Variants in DAB1 observed in about 807,000 individuals in gnomAD.
DAB1 encodes the protein DAB adaptor protein 1, also known as disabled homolog 1.
In DAB1, 15 loss-of-function variants were observed where a neutral mutation model predicts 64.6. The observed-to-expected ratio is 0.23, with a 90% confidence interval of 0.16 to 0.36. The LOEUF is 0.36. DAB1 is among the 10% of genes least tolerant of loss of function. The pLI, the probability that DAB1 is intolerant of heterozygous loss-of-function variation, is 1.00. For synonymous variants in DAB1, 235 were observed against 251.9 expected, an observed-to-expected ratio of 0.93 and a Z score of 0.64; for missense variants, 596 against 706.7, an observed-to-expected ratio of 0.84 and a Z score of 1.78.
intron 3 of DAB1, among the ~76,000 whole-genome samples, chr1:58,366,263 G>GT (rs1475712183): frequency 6.6e-6 from 1 of 152,180 alleles, no homozygotes; most frequent in East Asian, 1.9e-4. Context: ...GGATGGCTGA[G>GT]TGTTTGATCC....
chr1:57,092,706 ACATGGTGTGC>A (rs1300061331), intron 4 of DAB1, among the ~76,000 whole-genome samples: 1 of 148,102 alleles, frequency 6.8e-6, no homozygotes, highest in Non-Finnish European at 1.5e-5. Context: ...AGCAATAACA[ACATGGTGTGC>A]CAGGTGCCCT....
intron 1 of DAB1, among the ~76,000 whole-genome samples, chr1:57,413,245 T>C (rs1169714441): frequency 6.6e-6 from 1 of 152,136 alleles, no homozygotes. Context: ...CACCCAAGAG[T>C]TCTAATGAAG....
At chr1:58,372,403 G>T (rs923722616) in intron 3 of DAB1, among the ~76,000 whole-genome samples, 1 of 152,166 alleles carries the variant, frequency 6.6e-6, no homozygotes, top group African/African-American at 2.4e-5. Context: ...TACCCCCATT[G>T]TATCTTGGGG....
intron 4 of DAB1, among the ~76,000 whole-genome samples, chr1:58,303,744 A>G (rs1229842576): frequency 6.6e-6 from 1 of 152,326 alleles, no homozygotes; most frequent in East Asian, 1.9e-4. Flanking sequence ...GAGATTACAG[A>G]AAGTTGGGTG....
intron 5 of DAB1, among the ~76,000 whole-genome samples, chr1:58,008,587 G>A (rs1018180474): frequency 6.6e-6 from 1 of 152,112 alleles, no homozygotes; most frequent in Non-Finnish European, 1.5e-5. Flanking sequence ...ATAGCGGTTC[G>A]GTGTGTGAAT....
At chr1:58,287,361 C>T (rs558842016) in intron 4 of DAB1, among the ~76,000 whole-genome samples, 100 of 152,204 alleles carry the variant, frequency 6.6e-4, no homozygotes, top group African/African-American at 2.4e-3. Flanking sequence ...AACAACTTTT[C>T]GATTATATCT....
At chr1:57,554,663 T>C (rs931678029) in intron 7 of DAB1, among the ~76,000 whole-genome samples, 11 of 152,224 alleles carry the variant, frequency 7.2e-5, no homozygotes, top group African/African-American at 2.7e-4. Context: ...AAGAACAGCC[T>C]CATGTCACAC....
At chr1:57,521,051 C>A (rs1644520164) in intron 7 of DAB1, among the ~76,000 whole-genome samples, 2 of 152,038 alleles carry the variant, frequency 1.3e-5, no homozygotes, top group Non-Finnish European at 2.9e-5. Flanking sequence ...ACCCAGAGAC[C>A]CAAGCATCGA....
chr1:57,204,425 A>G (rs139414434), intron 2 of DAB1, among the ~76,000 whole-genome samples: 1 of 150,416 alleles, frequency 6.6e-6, no homozygotes, highest in Admixed American at 6.7e-5. Flanking sequence ...TCCACAGAAC[A>G]CAAAATAAAA....
At chr1:57,119,178 C>A (rs146363781) in intron 4 of DAB1, among the ~76,000 whole-genome samples, 1,850 of 152,288 alleles carry the variant, frequency 0.012, 34 homozygotes, top group African/African-American at 0.042. Context: ...TCCCTGACTT[C>A]TTCCAGCACC....
At chr1:57,936,796 CTTATAA>C (rs1290784484) in intron 5 of DAB1, among the ~76,000 whole-genome samples, 2 of 152,130 alleles carry the variant, frequency 1.3e-5, no homozygotes, top group Admixed American at 1.3e-4. Context: ...TCCAATCACT[CTTATAA>C]TTAAATACAA....
At chr1:58,262,920 C>A (rs1661081067) in intron 4 of DAB1, among the ~76,000 whole-genome samples, 1 of 152,126 alleles carries the variant, frequency 6.6e-6, no homozygotes, top group Non-Finnish European at 1.5e-5. Flanking sequence ...CACTCTGAGT[C>A]CAAGAGTGAA....
At chr1:58,114,840 T>C (rs957596049) in intron 5 of DAB1, among the ~76,000 whole-genome samples, 3 of 152,218 alleles carry the variant, frequency 2.0e-5, no homozygotes, top group African/African-American at 4.8e-5. Flanking sequence ...ACTGTGCCAG[T>C]TGCTCATGGT....
intron 1 of DAB1, among the ~76,000 whole-genome samples, chr1:57,323,196 C>A (rs914511896): frequency 6.6e-6 from 1 of 152,086 alleles, no homozygotes; most frequent in Non-Finnish European, 1.5e-5. Context: ...GCCGGTTGAG[C>A]CCTTCACTCC....
intron 4 of DAB1, among the ~76,000 whole-genome samples, chr1:57,095,061 C>A (rs766634640): frequency 2.6e-5 from 4 of 152,208 alleles, no homozygotes; most frequent in Non-Finnish European, 5.9e-5. Context: ...TGACCTACAA[C>A]TTTCCCATCT....
intron 14 of DAB1, among the ~76,000 whole-genome samples, chr1:57,005,072 G>A (rs1186563432): frequency 6.6e-6 from 1 of 152,184 alleles, no homozygotes; most frequent in Non-Finnish European, 1.5e-5. Context: ...AACACTGAAT[G>A]GATTTGATGA....
intron 4 of DAB1, among the ~76,000 whole-genome samples, chr1:58,211,884 A>C (rs1658568644): frequency 6.6e-6 from 1 of 152,236 alleles, no homozygotes; most frequent in East Asian, 1.9e-4. Context: ...ACACATAAGA[A>C]ATCGTTTTCA....
At chr1:58,294,429 T>G (rs973155166) in intron 4 of DAB1, among the ~76,000 whole-genome samples, 7 of 152,110 alleles carry the variant, frequency 4.6e-5, no homozygotes, top group Non-Finnish European at 1.0e-4. Flanking sequence ...TAAGAAATAT[T>G]CATAGACAAT....
At chr1:58,038,462 CT>C (rs925501179) in intron 5 of DAB1, among the ~76,000 whole-genome samples, 1 of 151,484 alleles carries the variant, frequency 6.6e-6, no homozygotes, top group Non-Finnish European at 1.5e-5. Flanking sequence ...TTTCTCTTGC[CT>C]TTTTTAAAGG....
Sources: allele counts gnomAD v4.1 joint callset (sites outside exome capture counted in the v4.1 genomes callset), GRCh38; gene constraint gnomAD v4.1.1; transcripts MANE v1.5; gene names NCBI Gene and HGNC (gene_info 2026-07-23, HGNC 2026-07-21).